Variants in PRR16 observed in about 807,000 individuals in gnomAD.
PRR16 encodes proline rich 16, also known as protein Largen.
A neutral mutation model predicts 18.2 loss-of-function variants in PRR16; 6 were observed. The observed-to-expected ratio is 0.33, with a 90% CI of 0.18 to 0.65. The LOEUF (loss-of-function observed/expected upper bound fraction) is 0.65, where lower values mean the gene tolerates loss of function less well. PRR16 is among the 30% of genes least tolerant of loss of function. The pLI is 0.74. For missense variants in PRR16, 412 were observed against 376.6 expected (o/e 1.09, Z -0.78); for synonymous variants, 151 against 147.8 (o/e 1.02, Z -0.16).
chr5:120,653,313 AT>A (rs140289724), intron 1 of PRR16, among the ~76,000 whole-genome samples: 4 of 151,686 alleles, frequency 2.6e-5, no homozygotes, highest in African/African-American at 4.8e-5. Context: ...AAAAAAAAGT[AT>A]TTTTTCACTG....
At chr5:120,664,615 A>T (rs1206197731) in intron 1 of PRR16, among the ~76,000 whole-genome samples, 1 of 151,262 alleles carries the variant, frequency 6.6e-6, no homozygotes, top group Admixed American at 6.6e-5. Flanking sequence ...TGCTCCCCCT[A>T]CCCCACAGCA....
intron 1 of PRR16, among the ~76,000 whole-genome samples, chr5:120,490,496 G>C (rs1749990544): frequency 6.6e-6 from 1 of 152,126 alleles, no homozygotes; most frequent in African/African-American, 2.4e-5. Flanking sequence ...GTGGTTTTCA[G>C]CTCCATCAGG....
chr5:120,560,302 A>C (rs1752535839), intron 1 of PRR16, among the ~76,000 whole-genome samples: 1 of 151,710 alleles, frequency 6.6e-6, no homozygotes, highest in Non-Finnish European at 1.5e-5. Context: ...TTATGTTGAG[A>C]TATATTACCT....
the PRR16 span, among the ~76,000 whole-genome samples, chr5:120,784,385 C>T: frequency 6.6e-6 from 1 of 152,094 alleles, no homozygotes; most frequent in Non-Finnish European, 1.5e-5. Context: ...TTCTCTATTT[C>T]ATAAAAACCA....
At chr5:120,603,632 T>A (rs1178734563) in intron 1 of PRR16, among the ~76,000 whole-genome samples, 1 of 151,964 alleles carries the variant, frequency 6.6e-6, no homozygotes, top group African/African-American at 2.4e-5. Context: ...TTTTTCTAGT[T>A]CCTCTAGGTG....
At chr5:120,488,616 T>C (rs1316949547) in intron 1 of PRR16, among the ~76,000 whole-genome samples, 1 of 152,156 alleles carries the variant, frequency 6.6e-6, no homozygotes. Context: ...GATTCATTGA[T>C]TTTTTGAAGG....
chr5:120,492,858 G>T (rs186448617), intron 1 of PRR16, among the ~76,000 whole-genome samples: 2 of 152,254 alleles, frequency 1.3e-5, no homozygotes, highest in Admixed American at 1.3e-4. Flanking sequence ...ATGGCCTCCA[G>T]TTCCATCCAA....
At chr5:120,754,012 TA>T in the PRR16 span, among the ~76,000 whole-genome samples, 56 of 125,684 alleles carry the variant, frequency 4.5e-4, no homozygotes, top group African/African-American at 1.6e-3. Context: ...ATATATTATA[TA>T]ATATATAAAA....
chr5:120,506,470 A>G (rs966221765), intron 1 of PRR16, among the ~76,000 whole-genome samples: 5 of 152,154 alleles, frequency 3.3e-5, no homozygotes, highest in African/African-American at 1.2e-4. Context: ...TACTGTATTC[A>G]GCCATGAATT....
At chr5:120,593,526 A>C (rs1753706202) in intron 1 of PRR16, among the ~76,000 whole-genome samples, 1 of 151,554 alleles carries the variant, frequency 6.6e-6, no homozygotes, top group African/African-American at 2.4e-5. Flanking sequence ...ACCAAGAAAA[A>C]AAAAGCCCAG....
chr5:120,601,160 A>C (rs536385482), intron 1 of PRR16, among the ~76,000 whole-genome samples: 32 of 152,182 alleles, frequency 2.1e-4, no homozygotes, highest in African/African-American at 7.5e-4. Flanking sequence ...ACTGCTTTCC[A>C]CAGTGGCGGA....
intron 1 of PRR16, among the ~76,000 whole-genome samples, chr5:120,568,973 A>G (rs947089495): frequency 1.3e-5 from 2 of 152,044 alleles, no homozygotes; most frequent in Admixed American, 6.6e-5. Context: ...CCTCTTTTTT[A>G]TGCCCCAACT....
chr5:120,562,878 G>A (rs1168295330), intron 1 of PRR16, among the ~76,000 whole-genome samples: 2 of 151,772 alleles, frequency 1.3e-5, no homozygotes, highest in Non-Finnish European at 2.9e-5. Flanking sequence ...TTTTTTACTG[G>A]TTCATTAGTC....
chr5:120,464,773 C>A (rs1749020806), intron 1 of PRR16, 128 bp downstream of exon 1: 1 of 1,019,958 alleles, frequency 9.8e-7, no homozygotes, highest in Non-Finnish European at 1.4e-6. Flanking sequence ...CGCCTGCAGA[C>A]GGACTTTCTT....
the PRR16 span, among the ~76,000 whole-genome samples, chr5:120,793,519 G>GA: frequency 5.3e-5 from 8 of 151,948 alleles, no homozygotes; most frequent in African/African-American, 1.9e-4. Flanking sequence ...CAGAAGACCT[G>GA]AAAAAATCTA....
intron 1 of PRR16, among the ~76,000 whole-genome samples, chr5:120,666,207 T>G (rs1422295092): frequency 6.6e-6 from 1 of 152,202 alleles, no homozygotes; most frequent in Non-Finnish European, 1.5e-5. Flanking sequence ...GGTATTTTAT[T>G]CTCTTTGAAG....
At chr5:120,606,372 G>T (rs536316018) in intron 1 of PRR16, among the ~76,000 whole-genome samples, 1 of 151,464 alleles carries the variant, frequency 6.6e-6, no homozygotes, top group African/African-American at 2.4e-5. Flanking sequence ...CCACACATTA[G>T]TCATTTATAT....
chr5:120,663,603 T>C (rs1237438274), intron 1 of PRR16, among the ~76,000 whole-genome samples: 2 of 152,218 alleles, frequency 1.3e-5, no homozygotes, highest in Non-Finnish European at 2.9e-5. Context: ...AAGTAGACTT[T>C]GTACTTTAGC....
rs192570725 is a variant in PRR16 at position 120,610,670 on chromosome 5, C to T, written c.160-75284C>T. Among the ~76,000 whole-genome samples, 6 of 152,288 alleles carry T rather than the reference C, an allele frequency of 3.9e-5. No individual in the cohort carries two copies. In the East Asian group the frequency reaches 5.8e-4, roughly 15 times the overall value. On this transcript the variant is annotated intron_variant, in intron 1 of 1. Coordinates refer to ENST00000407149, the MANE Select transcript of PRR16 (RefSeq NM_001300783.2). ...CCACTGCCATGTAAGAAGTGCCCTT[C>T]ACCTCCCACCATGATTCTGAGGCCT...
Sources: allele counts gnomAD v4.1 joint callset (sites outside exome capture counted in the v4.1 genomes callset), GRCh38; gene constraint gnomAD v4.1.1; transcripts MANE v1.5; gene names NCBI Gene and HGNC (gene_info 2026-07-23, HGNC 2026-07-21).